Variants in ZFHX3 observed in about 807,000 individuals in gnomAD.
ZFHX3 encodes zinc finger homeobox protein 3.
ZFHX3 carries 42 observed loss-of-function variants against 279.1 expected under a neutral mutation model. The observed-to-expected ratio is 0.15, with a 90% CI of 0.12 to 0.19. ZFHX3 has a LOEUF of 0.19. Ranked by LOEUF, ZFHX3 falls within the 10% of genes least tolerant of loss-of-function variation. ZFHX3 has a pLI of 1.00. For synonymous variants in ZFHX3, 2,293 were observed against 1,957.8 expected (o/e 1.17, Z -4.52); for missense variants, 4,981 against 4,754.0 (o/e 1.05, Z -1.40).
At chr16:73,029,657 C>T (rs1428666261) in intron 1 of ZFHX3, among the ~76,000 whole-genome samples, 2 of 152,176 alleles carry the variant, frequency 1.3e-5, no homozygotes, top group Non-Finnish European at 2.9e-5. Context: ...GCTTATCGGA[C>T]AAACGATTTG....
In ZFHX3 at chr16:73,720,715, T is replaced by G. The variant is rs2142237536; in HGVS notation, c.-1607-40475A>C. Among the ~76,000 whole-genome samples the G allele has an allele frequency of 1.3e-5, 2 of 152,338 alleles. 1 individual carries two copies. Among genetic ancestry groups the G allele is most frequent in the South Asian group, 4.1e-4 (2 of 4,828 alleles). On this transcript the variant is annotated intron_variant, in intron 1 of 17. Coordinates refer to the ZFHX3 transcript ENST00000641206. ...GTGATAATTGTATAGTTAGTTTTGT[T>G]TTCTCTCATACTTTTCCATTTTTTC...
intron 2 of ZFHX3, among the ~76,000 whole-genome samples, chr16:73,633,885 A>G (rs1010694098): frequency 5.3e-5 from 8 of 151,758 alleles, no homozygotes; most frequent in Admixed American, 5.2e-4. Context: ...GCGACAGAGC[A>G]AGACTCCATC....
At chr16:73,818,026 T>A (rs1436237904) in intron 1 of ZFHX3, among the ~76,000 whole-genome samples, 2 of 152,192 alleles carry the variant, frequency 1.3e-5, no homozygotes, top group African/African-American at 4.8e-5. Flanking sequence ...ACTTCATCTT[T>A]GTCACCCATT....
chr16:73,541,624 T>A (rs2020012544), intron 2 of ZFHX3, among the ~76,000 whole-genome samples: 1 of 152,152 alleles, frequency 6.6e-6, no homozygotes, highest in African/African-American at 2.4e-5. Context: ...GGTCCCTGCA[T>A]GCAGAGACGG....
At chr16:73,718,147 A>T (rs1457142009) in intron 1 of ZFHX3, among the ~76,000 whole-genome samples, 2 of 152,236 alleles carry the variant, frequency 1.3e-5, no homozygotes, top group African/African-American at 2.4e-5. Flanking sequence ...ACGGTGGCTC[A>T]CGCCTGTAAT....
intron 1 of ZFHX3, among the ~76,000 whole-genome samples, chr16:73,757,047 G>A (rs2053817131): frequency 6.6e-6 from 1 of 152,100 alleles, no homozygotes; most frequent in Admixed American, 6.5e-5. Flanking sequence ...AGGAAATGCA[G>A]GAACAAACGT....
At chr16:73,517,008 T>C (rs565414128) in intron 2 of ZFHX3, among the ~76,000 whole-genome samples, 2 of 152,334 alleles carry the variant, frequency 1.3e-5, no homozygotes, top group East Asian at 3.9e-4. Flanking sequence ...CGTGCACATT[T>C]AGGGTAATTA....
intron 1 of ZFHX3, among the ~76,000 whole-genome samples, chr16:73,770,856 T>C (rs551372212): frequency 1.3e-5 from 2 of 152,202 alleles, no homozygotes; most frequent in African/African-American, 4.8e-5. Flanking sequence ...CAAAGCCATA[T>C]AGAGGTCATT....
At chr16:73,251,333 T>C (rs915595805) in intron 5 of ZFHX3, among the ~76,000 whole-genome samples, 2 of 152,078 alleles carry the variant, frequency 1.3e-5, no homozygotes, top group African/African-American at 4.8e-5. Flanking sequence ...ACACCACAAG[T>C]GTGATAAAAC....
intron 2 of ZFHX3, among the ~76,000 whole-genome samples, chr16:73,628,700 A>G (rs1166310150): frequency 6.6e-6 from 1 of 152,190 alleles, no homozygotes; most frequent in Non-Finnish European, 1.5e-5. Flanking sequence ...TTCATATTGC[A>G]TGGTAAGCCT....
At chr16:72,871,406 A>G (rs1755974144) in intron 4 of ZFHX3, among the ~76,000 whole-genome samples, 1 of 151,270 alleles carries the variant, frequency 6.6e-6, no homozygotes, top group Non-Finnish European at 1.5e-5. Context: ...CAATGGTGCA[A>G]TCTTGGCTCA....
At chr16:73,564,037 C>T (rs544135465) in intron 2 of ZFHX3, among the ~76,000 whole-genome samples, 20 of 152,316 alleles carry the variant, frequency 1.3e-4, no homozygotes, top group Admixed American at 3.3e-4. Context: ...AAGCAGGACA[C>T]ACACTAGGGA....
chr16:73,557,884 G>C (rs2020311034), intron 2 of ZFHX3, among the ~76,000 whole-genome samples: 1 of 151,970 alleles, frequency 6.6e-6, no homozygotes, highest in Admixed American at 6.6e-5. Context: ...ACTTGGATGG[G>C]CTAAAAAATG....
intron 7 of ZFHX3, among the ~76,000 whole-genome samples, chr16:72,804,951 T>A (rs1381859261): frequency 6.6e-6 from 1 of 151,908 alleles, no homozygotes; most frequent in Non-Finnish European, 1.5e-5. Context: ...TTCTGTGTGC[T>A]GGAAAGCAGA....
At chr16:73,077,481 T>C (rs1215418748) in intron 8 of ZFHX3, among the ~76,000 whole-genome samples, 1 of 152,024 alleles carries the variant, frequency 6.6e-6, no homozygotes, top group Non-Finnish European at 1.5e-5. Context: ...AAAAATGAAG[T>C]GACTCTCCCG....
chr16:73,719,899 A>C (rs1228259909), intron 1 of ZFHX3, among the ~76,000 whole-genome samples: 1 of 151,242 alleles, frequency 6.6e-6, no homozygotes, highest in Non-Finnish European at 1.5e-5. Flanking sequence ...TCCTAAAGTT[A>C]TTTCATTTAA....
At chr16:73,242,616 A>T (rs902560771) in intron 5 of ZFHX3, among the ~76,000 whole-genome samples, 12 of 152,250 alleles carry the variant, frequency 7.9e-5, no homozygotes, top group African/African-American at 2.9e-4. Context: ...TTATTTCTTC[A>T]GTTCTCTGTA....
intron 1 of ZFHX3, among the ~76,000 whole-genome samples, chr16:72,993,197 C>T (rs1245095456): frequency 6.6e-6 from 1 of 152,138 alleles, no homozygotes; most frequent in Non-Finnish European, 1.5e-5. Flanking sequence ...ACAGGTCCCC[C>T]GGCCTGGCTG....
chr16:72,997,435 C>A (rs1963338459), intron 1 of ZFHX3, among the ~76,000 whole-genome samples: 1 of 152,172 alleles, frequency 6.6e-6, no homozygotes, highest in Non-Finnish European at 1.5e-5. Flanking sequence ...CTCAAGGGTT[C>A]CCCAGGGTGA....
Sources: gnomAD v4.1 joint callset for allele counts (sites outside exome capture counted in the v4.1 genomes callset) on GRCh38, gnomAD v4.1.1 for gene constraint, MANE v1.5 for transcripts, NCBI Gene and HGNC (gene_info 2026-07-23, HGNC 2026-07-21) for gene names.